Variants in FZD3 observed in about 807,000 individuals in gnomAD.
The protein encoded by FZD3 is frizzled class receptor 3.
In FZD3, 30 loss-of-function variants were observed where a neutral mutation model predicts 60.7. The ratio of observed to expected loss-of-function variants is 0.49; its 90% confidence interval spans 0.37 to 0.67. The LOEUF is 0.67. Ranked by LOEUF, FZD3 falls within the 30% of genes least tolerant of loss-of-function variation. The probability of loss-of-function intolerance (pLI) is 0.00; values close to 1 mark genes in which losing one functional copy is unlikely to be tolerated. For missense variants in FZD3, 605 were observed against 838.7 expected, an observed-to-expected ratio of 0.72 and a Z score of 3.44; for synonymous variants, 246 against 275.2, an observed-to-expected ratio of 0.89 and a Z score of 1.05.
At chr8:28,555,223 A>G (rs1805487161) in intron 6 of FZD3, among the ~76,000 whole-genome samples, 1 of 152,194 alleles carries the variant, frequency 6.6e-6, no homozygotes, top group African/African-American at 2.4e-5. Context: ...TCGTAGACTA[A>G]AACAACTGCT....
chr8:28,512,537 G>T (rs890951190), intron 3 of FZD3, among the ~76,000 whole-genome samples: 1 of 151,624 alleles, frequency 6.6e-6, no homozygotes, highest in African/African-American at 2.4e-5. Flanking sequence ...TGCATTTTCT[G>T]TTTTTTCTGT....
At chr8:28,529,128 A>G (rs1332062400) in intron 5 of FZD3, among the ~76,000 whole-genome samples, 1 of 152,042 alleles carries the variant, frequency 6.6e-6, no homozygotes, top group Non-Finnish European at 1.5e-5. Context: ...CTTGTTGCCC[A>G]GGCTAGTCTC....
Position 28,520,705 on chromosome 8 carries a change from C to A in FZD3, c.257C>A (p.Ala86Asp). 6.2e-7 allele frequency: 1 copy of A among 1,612,194 alleles called. No homozygotes were observed. The highest frequency in any genetic ancestry group is 8.5e-7 in the Non-Finnish European group (1 of 1,178,694). The change falls in exon 4 of 8, where the codon GCT becomes GAT. Residue 86 changes from alanine to aspartate, a missense_variant. Ala to Asp is a moderately radical substitution (Grantham distance 126, BLOSUM62 -2). Coordinates refer to ENST00000240093, the MANE Select transcript of FZD3 (RefSeq NM_017412.4). Reference sequence around the variant, plus strand: ...CGGCCTTTTCTTTGTGCACTCTACGCTCCTATTTGTATGGAATATGGACGT... The same window carrying A: ...CGGCCTTTTCTTTGTGCACTCTACGATCCTATTTGTATGGAATATGGACGT... ...DFRPFLCALYAPICMEYGRVT... is the reference protein window; with the variant it reads ...DFRPFLCALYDPICMEYGRVT...
Position 28,538,483 on chromosome 8 carries a change from A to G in FZD3, c.1404+10319A>G, listed in dbSNP as rs143023954. Among the ~76,000 whole-genome samples, 15 of 152,278 alleles carry G rather than the reference A, an allele frequency of 9.9e-5. 1 individual carries two copies. The East Asian group carries it at 1.9e-3, about 20-fold the overall frequency. The stretch of plus-strand genomic sequence containing the variant: ...ACAAATGAGAAAACTTGAGTCTCAT[A>G]TATTTATACAGTTTATCCCAAGTCA... On this transcript the variant is annotated intron_variant, in intron 5 of 7. Transcript: ENST00000240093.
rs565937554 is a variant in FZD3 at position 28,505,507 on chromosome 8, C to T, written c.189+2305C>T. ...CTGGGACTACAGGTGTGTGCCGCCA[C>T]CCCTGGCTAATTTTTTTGTATTTTT... On this transcript the variant is annotated intron_variant, in intron 3 of 7. Coordinates refer to ENST00000240093, the MANE Select transcript of FZD3 (RefSeq NM_017412.4). Among the ~76,000 whole-genome samples the T allele has an allele frequency of 7.2e-5, 11 of 152,222 alleles. No individual in the cohort carries two copies. The South Asian group carries it at 2.1e-3, about 29-fold the overall frequency.
intron 5 of FZD3, among the ~76,000 whole-genome samples, chr8:28,550,655 C>A (rs1447816620): frequency 6.6e-6 from 1 of 151,812 alleles, no homozygotes; most frequent in African/African-American, 2.4e-5. Context: ...CCATGCCCAG[C>A]TAATTTTTGT....
At chr8:28,505,566 G>C (rs189404545) in intron 3 of FZD3, among the ~76,000 whole-genome samples, 2 of 152,216 alleles carry the variant, frequency 1.3e-5, no homozygotes, top group Admixed American at 1.3e-4. Context: ...TGCCCAGGCT[G>C]ATCTCGAACT....
chr8:28,562,514 A>G (rs1483913819), intron 7 of FZD3, among the ~76,000 whole-genome samples: 5 of 152,184 alleles, frequency 3.3e-5, no homozygotes, highest in Admixed American at 6.5e-5. Flanking sequence ...AAAGGTATCC[A>G]TATCGAGTGC....
chr8:28,560,037 G>A (rs1339747029), intron 7 of FZD3, among the ~76,000 whole-genome samples: 3 of 152,216 alleles, frequency 2.0e-5, no homozygotes. Context: ...GTAGGTGGAG[G>A]TTTGGGAATG....
intron 3 of FZD3, among the ~76,000 whole-genome samples, chr8:28,515,146 A>G (rs555815127): frequency 1.3e-5 from 2 of 152,190 alleles, no homozygotes; most frequent in Non-Finnish European, 2.9e-5. Flanking sequence ...GTGAAGGTTA[A>G]ATGAGATAAT....
chr8:28,520,510 C>G, intron 3 of FZD3, 128 bp from the exon 4 acceptor site: 1 of 570,616 alleles, frequency 1.8e-6, no homozygotes, highest in South Asian at 4.1e-5. Flanking sequence ...AACAAAAACT[C>G]CCCTTCAGAA....
At position 28,536,457 on chromosome 8, in the gene FZD3, C is replaced by T. The variant is rs552496601; in HGVS notation, c.1404+8293C>T. ...GCGCAGTGGCTCATGCCTGTAATCC[C>T]AGCACTTTGGGAGGCCAAGGAGGGT... is the stretch of plus-strand genomic sequence containing the variant. On this transcript the variant is annotated intron_variant, in intron 5 of 7. Transcript: ENST00000240093. Among the ~76,000 whole-genome samples, 6 of 152,272 alleles carry T rather than the reference C, an allele frequency of 3.9e-5. No homozygotes were observed. In the South Asian group the frequency reaches 1.0e-3, roughly 26 times the overall value.
intron 5 of FZD3, among the ~76,000 whole-genome samples, chr8:28,536,092 G>A (rs1349794518): frequency 6.6e-6 from 1 of 152,136 alleles, no homozygotes; most frequent in Non-Finnish European, 1.5e-5. Flanking sequence ...GGAGTGCTTT[G>A]CACAAAGTAA....
rs368451533 is a variant in FZD3 at position 28,546,405 on chromosome 8, C to T, written c.1405-5198C>T. On this transcript the variant is annotated intron_variant, in intron 5 of 7. Transcript: ENST00000240093. ...CCAGTTGTTAAAACATTTACCAGCA[C>T]ACCACTGTCTGTATTTTCCTTTTTT... Among the ~76,000 whole-genome samples the T allele has an allele frequency of 1.2e-3, 189 of 152,316 alleles. 1 individual carries two copies. Among genetic ancestry groups the T allele is most frequent in the African/African-American group, 4.0e-3 (167 of 41,580 alleles).
chr8:28,522,822 G>C (rs548834475), intron 4 of FZD3, among the ~76,000 whole-genome samples: 138 of 139,512 alleles, frequency 9.9e-4, no homozygotes, highest in African/African-American at 3.5e-3. Flanking sequence ...CCAGGCTGGA[G>C]TGCAGTGGCG....
At chr8:28,552,310 A>C (rs1003376480) in intron 6 of FZD3, among the ~76,000 whole-genome samples, 8 of 152,224 alleles carry the variant, frequency 5.3e-5, no homozygotes, top group African/African-American at 1.9e-4. Flanking sequence ...TAGAAAAATG[A>C]TATTAGTAGA....
Position 28,503,195 on chromosome 8 carries a change from C to T in FZD3, c.182C>T (p.Ala61Val). 1 of 1,606,330 alleles carries T rather than the reference C, an allele frequency of 6.2e-7. No homozygotes were observed. Among genetic ancestry groups the T allele is most frequent in the Admixed American group, 1.7e-5 (1 of 59,964 alleles). The change falls in exon 3 of 8, where the codon GCA becomes GTA. Residue 61 changes from alanine to valine, a missense_variant. Physicochemically the swap from Ala to Val is moderately conservative, Grantham distance 64. Coordinates refer to ENST00000240093, the MANE Select transcript of FZD3 (RefSeq NM_017412.4). ...TATGACCAACAGACAGCAGCTTTGG[C>T]AATGGAGGTAAGACTTGATCTATTC... ...NHYDQQTAAL[A>V]MEPFHPMVNL...
chr8:28,520,356 G>T (rs926951133), intron 3 of FZD3, among the ~76,000 whole-genome samples: 2 of 151,818 alleles, frequency 1.3e-5, no homozygotes, highest in Non-Finnish European at 2.9e-5. Context: ...TTTGTAAAAT[G>T]GATATTGTCA....
intron 1 of FZD3, among the ~76,000 whole-genome samples, chr8:28,499,341 G>C (rs1039407663): frequency 6.6e-6 from 1 of 151,874 alleles, no homozygotes; most frequent in African/African-American, 2.4e-5. Context: ...CACAAATACA[G>C]GTTTATGCTC....
Sources: gnomAD v4.1 joint callset for allele counts (sites outside exome capture counted in the v4.1 genomes callset) on GRCh38, gnomAD v4.1.1 for gene constraint, MANE v1.5 for transcripts, NCBI Gene and HGNC (gene_info 2026-07-23, HGNC 2026-07-21) for gene names.